Variants in ADGRV1 observed in about 807,000 individuals in gnomAD.
ADGRV1 encodes G-protein coupled receptor 98.
ADGRV1 carries 359 observed loss-of-function variants against 596.2 expected under a neutral mutation model. That is an observed-to-expected ratio of 0.60 (90% confidence interval 0.55 to 0.66). The LOEUF is 0.66. Among genes scored for constraint, ADGRV1 ranks in the 30% least tolerant of loss-of-function variants. The probability of loss-of-function intolerance (pLI) is 0.00; values close to 1 mark genes in which losing one functional copy is unlikely to be tolerated. For missense variants in ADGRV1, 7,274 were observed against 7,575.6 expected, an observed-to-expected ratio of 0.96 and a Z score of 1.48; for synonymous variants, 2,681 against 2,679.2, an observed-to-expected ratio of 1.00 and a Z score of -0.02.
chr5:90,591,046 A>G (rs1205683662), intron 1 of ADGRV1, among the ~76,000 whole-genome samples: 1 of 152,166 alleles, frequency 6.6e-6, no homozygotes, highest in Non-Finnish European at 1.5e-5. Flanking sequence ...TAATAATCAC[A>G]TCAGGGTAAA....
intron 83 of ADGRV1, among the ~76,000 whole-genome samples, chr5:90,916,663 C>G (rs548415266): frequency 7.6e-5 from 9 of 119,064 alleles, no homozygotes; most frequent in Non-Finnish European, 1.5e-4. Flanking sequence ...GACGGAGTCT[C>G]GCTCTGTCGC....
chr5:91,119,545 C>T lies in ADGRV1; in HGVS notation c.18432+17205C>T, dbSNP rs1562243475. ...ACCAAAAGCTAGCCTCTGCTATTTT[C>T]TAAGGAAGGAACTGGCAGCTGTTCC... On this transcript the variant is annotated intron_variant, in intron 87 of 89. Coordinates refer to ENST00000405460, the MANE Select transcript of ADGRV1 (RefSeq NM_032119.4). 2.0e-5 allele frequency among the ~76,000 whole-genome samples: 3 copies of T among 152,176 alleles called. No homozygotes were observed. The South Asian group carries it at 6.2e-4, about 32-fold the overall frequency.
chr5:91,147,748 G>T (rs1401221011), intron 87 of ADGRV1, among the ~76,000 whole-genome samples: 2 of 152,274 alleles, frequency 1.3e-5, no homozygotes, highest in East Asian at 3.9e-4. Context: ...AGAGAGTGGG[G>T]TGCTGCTATA....
rs544762063 is a variant in ADGRV1 at position 90,582,894 on chromosome 5, A to G, written c.22+23977A>G. On this transcript the variant is annotated intron_variant, in intron 1 of 89. Coordinates refer to ENST00000405460, the MANE Select transcript of ADGRV1 (RefSeq NM_032119.4). ...TTAGTTTAAAATGAATTCACTTCGT[A>G]TCTTAAATTTTCTAATATAAATAAA... is the stretch of plus-strand genomic sequence containing the variant. 4.6e-5 allele frequency among the ~76,000 whole-genome samples: 7 copies of G among 152,320 alleles called. No homozygotes were observed. The East Asian group carries it at 9.6e-4, about 21-fold the overall frequency.
In ADGRV1 at chr5:90,851,465, T is replaced by A. The variant is rs188146274; in HGVS notation, c.17205-1819T>A. Among the ~76,000 whole-genome samples the A allele has an allele frequency of 2.6e-5, 4 of 152,262 alleles. No homozygotes were observed. In the East Asian group the frequency reaches 7.7e-4, roughly 29 times the overall value. On this transcript the variant is annotated intron_variant, in intron 79 of 89. Coordinates refer to ENST00000405460, the MANE Select transcript of ADGRV1 (RefSeq NM_032119.4). ...ATTCTGATATGCATTATTTATACAT[T>A]GTCTTGAGCAATATTAAGGGAGTCT...
intron 83 of ADGRV1, among the ~76,000 whole-genome samples, chr5:90,901,578 AATTCTATCT>A: frequency 6.6e-6 from 1 of 152,284 alleles, no homozygotes; most frequent in East Asian, 1.9e-4. Flanking sequence ...GCATGTTAGC[AATTCTATCT>A]CAGGTGTTTA....
chr5:91,006,423 A>C (rs1782281835), intron 85 of ADGRV1, among the ~76,000 whole-genome samples: 1 of 152,212 alleles, frequency 6.6e-6, no homozygotes, highest in Non-Finnish European at 1.5e-5. Context: ...CACCACAAAC[A>C]TACAAAATCC....
At chr5:90,869,155 C>A (rs905859051) in intron 83 of ADGRV1, among the ~76,000 whole-genome samples, 6 of 151,954 alleles carry the variant, frequency 3.9e-5, no homozygotes, top group Admixed American at 3.9e-4. Context: ...GAATAAGGGA[C>A]CCCAGTTTGC....
intron 83 of ADGRV1, among the ~76,000 whole-genome samples, chr5:90,931,644 T>C (rs1310966237): frequency 6.6e-6 from 1 of 152,212 alleles, no homozygotes; most frequent in Admixed American, 6.5e-5. Context: ...TGTTGAAGTA[T>C]GGAAAACAGC....
At chr5:90,621,611 TTTG>T (rs1021821615) in intron 4 of ADGRV1, among the ~76,000 whole-genome samples, 12 of 152,198 alleles carry the variant, frequency 7.9e-5, no homozygotes, top group Admixed American at 1.3e-4. Context: ...AAAGGTTTCT[TTTG>T]TTGTTGTTGA....
rs1767488078 is a variant in ADGRV1 at position 90,644,761 on chromosome 5, G to A, written c.2790G>A (p.Trp930Ter). The A allele has an allele frequency of 1.2e-6, 2 of 1,611,832 alleles. No individual in the cohort carries two copies. The highest frequency in any genetic ancestry group is 2.2e-5 in the East Asian group (1 of 44,762). Reference protein sequence around the residue: ...RGNFGDVSVSWVVSPDFTQDV... With the variant: ...RGNFGDVSVS ...ACTTTGGTGATGTTAGTGTATCATGGGTGGTTAGTCCAGACTTTACACAAG... is the reference window on the plus strand; with the variant it reads ...ACTTTGGTGATGTTAGTGTATCATGAGTGGTTAGTCCAGACTTTACACAAG... The change falls in exon 15 of 90, where the codon TGG becomes TGA. Residue 930 changes from tryptophan to a stop codon, truncating the protein, a stop_gained. Coordinates refer to ENST00000405460, the MANE Select transcript of ADGRV1 (RefSeq NM_032119.4). LOFTEE classifies it high-confidence loss of function.
Position 90,705,472 on chromosome 5 carries a change from A to C in ADGRV1, c.8459A>C (p.Asp2820Ala), listed in dbSNP as rs780583858. ...GCTGTCCTCACAGTAGAAGCCAGTG[A>C]TGAACCACATGGAGTTTTAAATTTT... Reference protein sequence around the residue: ...YAAVLTVEASDEPHGVLNFAL... With the variant: ...YAAVLTVEASAEPHGVLNFAL... The change falls in exon 37 of 90, where the codon GAT (aspartate) becomes GCT (alanine). Residue 2820 changes from aspartate to alanine, a missense_variant. Coordinates refer to ENST00000405460, the MANE Select transcript of ADGRV1 (RefSeq NM_032119.4). 7 of 1,613,858 alleles carry C rather than the reference A, an allele frequency of 4.3e-6. No individual in the cohort carries two copies. In the African/African-American group the frequency reaches 9.3e-5, roughly 22 times the overall value.
intron 86 of ADGRV1, among the ~76,000 whole-genome samples, chr5:91,085,811 C>T (rs994985023): frequency 3.9e-5 from 6 of 152,116 alleles, no homozygotes; most frequent in African/African-American, 1.2e-4. Flanking sequence ...CTCGTAATGC[C>T]GCTGCTTTAT....
At position 91,153,349 on chromosome 5, in the gene ADGRV1, C is replaced by A. The variant is rs368397218; in HGVS notation, c.18753C>A (p.Ala6251=). The A allele has an allele frequency of 1.9e-6, 3 of 1,611,798 alleles. No individual in the cohort carries two copies. The highest frequency in any genetic ancestry group is 2.5e-6 in the Non-Finnish European group (3 of 1,179,052). The part of the protein sequence containing the change: ...SGGYGQGSLI[A]DEESQEFDDL... The stretch of plus-strand genomic sequence containing the variant: ...GATATGGCCAGGGGTCACTGATAGC[C>A]GATGAGGAGTCCCAGGAGTTTGATG... The change falls in exon 89 of 90, where the codon GCC becomes GCA. Residue 6251 remains alanine, a synonymous_variant. Transcript: ENST00000405460.
chr5:91,004,146 G>A (rs1379650215), intron 85 of ADGRV1, among the ~76,000 whole-genome samples: 1 of 152,104 alleles, frequency 6.6e-6, no homozygotes, highest in Non-Finnish European at 1.5e-5. Flanking sequence ...ATGGGGGAAG[G>A]CTACCTGTAA....
rs1764920011 is a variant in ADGRV1, at chr5:90,627,492, A to C, written c.954A>C (p.Gln318His). Residue 318 changes from glutamine to histidine, a missense_variant, in exon 7 of 90, where the codon CAA becomes CAC. This residue lies in a region of ADGRV1 where 1,715 missense variants were observed against 1,708.8 expected (regional missense o/e 1.00). Coordinates refer to ENST00000405460, the MANE Select transcript of ADGRV1 (RefSeq NM_032119.4). Reference protein sequence around the residue: ...TTGNSTAHAQQNLDFIDLQPN... With the variant: ...TTGNSTAHAQHNLDFIDLQPN... ...GGAATTCCACAGCACATGCCCAGCA[A>C]AATCTGGACTTCATTGATCTTCAGC... 6.2e-7 allele frequency: 1 copy of C among 1,613,850 alleles called. No individual in the cohort carries two copies. Among genetic ancestry groups the C allele is most frequent in the African/African-American group, 1.3e-5 (1 of 74,932 alleles).
intron 80 of ADGRV1, 82 bp downstream of exon 80, chr5:90,853,615 T>A (rs1766746441): frequency 1.4e-6 from 2 of 1,383,740 alleles, no homozygotes; most frequent in East Asian, 2.4e-5. Context: ...ATTTGTTTGA[T>A]CACAGTTTTG....
chr5:90,994,509 A>T (rs1032798351), intron 85 of ADGRV1, among the ~76,000 whole-genome samples: 1 of 152,172 alleles, frequency 6.6e-6, no homozygotes, highest in Non-Finnish European at 1.5e-5. Flanking sequence ...GAACATAATT[A>T]AAATAGCTAA....
At chr5:90,785,356 A>C (rs1759317495) in intron 67 of ADGRV1, among the ~76,000 whole-genome samples, 1 of 152,224 alleles carries the variant, frequency 6.6e-6, no homozygotes, top group African/African-American at 2.4e-5. Context: ...CAAGGACTTC[A>C]TGTCTAAAAC....
Sources: gnomAD v4.1 joint callset for allele counts (sites outside exome capture counted in the v4.1 genomes callset) on GRCh38, gnomAD v4.1.1 for gene constraint, gnomAD v4.1.1 regional missense constraint, MANE v1.5 for transcripts, NCBI Gene and HGNC (gene_info 2026-07-23, HGNC 2026-07-21) for gene names.